Variants in GALNTL6 observed in about 807,000 individuals in gnomAD.
GALNTL6 encodes the protein polypeptide N-acetylgalactosaminyltransferase like 6.
Under a neutral mutation model 73.7 loss-of-function variants are expected in GALNTL6, and 46 were observed. The ratio of observed to expected loss-of-function variants is 0.62; its 90% CI spans 0.49 to 0.80. The LOEUF is 0.80. Among genes scored for constraint, GALNTL6 ranks in the 30% least tolerant of loss-of-function variants. The pLI, the probability that GALNTL6 is intolerant of heterozygous loss-of-function variation, is 0.00. For synonymous variants in GALNTL6, 259 were observed against 263.7 expected (o/e 0.98, Z 0.17); for missense variants, 604 against 755.0 (o/e 0.80, Z 2.34).
chr4:172,541,553 G>T (rs1320970185), intron 5 of GALNTL6, among the ~76,000 whole-genome samples: 1 of 152,206 alleles, frequency 6.6e-6, no homozygotes, highest in African/African-American at 2.4e-5. Flanking sequence ...CAGCAGAAAA[G>T]AAAGTAAGAT....
intron 2 of GALNTL6, among the ~76,000 whole-genome samples, chr4:172,066,018 A>C (rs1377844094): frequency 1.3e-5 from 2 of 152,152 alleles, no homozygotes; most frequent in East Asian, 1.9e-4. Flanking sequence ...GAGCCAAACA[A>C]CACCAATAAC....
intron 2 of GALNTL6, among the ~76,000 whole-genome samples, chr4:172,100,644 T>C (rs999607398): frequency 2.0e-5 from 3 of 152,200 alleles, no homozygotes; most frequent in Admixed American, 1.3e-4. Flanking sequence ...TGTAATGTGA[T>C]TTACATAACT....
intron 7 of GALNTL6, among the ~76,000 whole-genome samples, chr4:172,869,395 G>A (rs921290881): frequency 5.9e-5 from 9 of 152,114 alleles, no homozygotes; most frequent in South Asian, 2.1e-4. Flanking sequence ...TGGAGTGTGC[G>A]TCAGGAAAGA....
intron 5 of GALNTL6, among the ~76,000 whole-genome samples, chr4:172,440,283 A>G (rs1404714338): frequency 1.3e-5 from 2 of 152,068 alleles, no homozygotes; most frequent in African/African-American, 2.4e-5. Flanking sequence ...CATCCAAACA[A>G]TGGAATATTA....
At chr4:173,020,255 TTA>T (rs989286149) in intron 11 of GALNTL6, among the ~76,000 whole-genome samples, 6 of 152,218 alleles carry the variant, frequency 3.9e-5, no homozygotes, top group Admixed American at 3.9e-4. Context: ...TGTTTGCTTG[TTA>T]ATACATTGTA....
At chr4:172,246,273 A>G (rs1282975304) in intron 3 of GALNTL6, among the ~76,000 whole-genome samples, 5 of 152,146 alleles carry the variant, frequency 3.3e-5, no homozygotes, top group Non-Finnish European at 7.4e-5. Flanking sequence ...TTGGACTAGA[A>G]TGACTAGATT....
At chr4:172,017,081 G>T (rs562539272) in intron 2 of GALNTL6, among the ~76,000 whole-genome samples, 32 of 152,250 alleles carry the variant, frequency 2.1e-4, no homozygotes, top group African/African-American at 7.7e-4. Context: ...AGTTATTCCT[G>T]AGTAGGCACT....
intron 2 of GALNTL6, among the ~76,000 whole-genome samples, chr4:171,835,303 T>G (rs1735070652): frequency 6.6e-6 from 1 of 152,036 alleles, no homozygotes; most frequent in African/African-American, 2.4e-5. Flanking sequence ...TGTGTCTGTG[T>G]ATGTATATGT....
chr4:171,856,221 G>A (rs549724556), intron 2 of GALNTL6, among the ~76,000 whole-genome samples: 1 of 151,922 alleles, frequency 6.6e-6, no homozygotes, highest in East Asian at 1.9e-4. Flanking sequence ...TTCCATCTCA[G>A]CCTCCTGAAT....
chr4:172,851,384 ATATG>A (rs1212179936), intron 7 of GALNTL6, among the ~76,000 whole-genome samples: 2 of 151,246 alleles, frequency 1.3e-5, no homozygotes, highest in Non-Finnish European at 2.9e-5. Flanking sequence ...GATTATATAT[ATATG>A]TATGTATGTA....
rs1394860628 is a variant in GALNTL6, at chr4:172,149,276, T to C, written c.139-80380T>C. ...AATATTATTTTCTAATTCATGTTCA[T>C]GTAATACACCTACACACTGGACTCC... On this transcript the variant is annotated intron_variant, in intron 2 of 12. Transcript: ENST00000506823. 3.3e-5 allele frequency among the ~76,000 whole-genome samples: 5 copies of C among 152,230 alleles called. No individual in the cohort carries two copies. In the South Asian group the frequency reaches 8.3e-4, roughly 25 times the overall value.
At chr4:172,160,897 CACACACACACACAT>C (rs1298271028) in intron 2 of GALNTL6, among the ~76,000 whole-genome samples, 9 of 53,900 alleles carry the variant, frequency 1.7e-4, no homozygotes, top group African/African-American at 8.3e-4. Flanking sequence ...TATAGACACA[CACACACACACACAT>C]ACACACACAC....
At chr4:172,268,665 G>A (rs551528830) in intron 3 of GALNTL6, among the ~76,000 whole-genome samples, 4 of 152,150 alleles carry the variant, frequency 2.6e-5, no homozygotes, top group African/African-American at 9.7e-5. Flanking sequence ...CTAACACCCA[G>A]TGTGAAGTCT....
chr4:172,760,082 C>G (rs940937231), intron 5 of GALNTL6, among the ~76,000 whole-genome samples: 2 of 151,076 alleles, frequency 1.3e-5, no homozygotes. Flanking sequence ...ATGATCCACC[C>G]GCCTCGGCCT....
chr4:172,414,448 GCATCCC>G (rs1744549667), intron 5 of GALNTL6, among the ~76,000 whole-genome samples: 1 of 151,824 alleles, frequency 6.6e-6, no homozygotes, highest in African/African-American at 2.4e-5. Flanking sequence ...ATAATATTTA[GCATCCC>G]CAGATGCTAA....
At chr4:172,278,060 G>A (rs969643768) in intron 3 of GALNTL6, among the ~76,000 whole-genome samples, 4 of 152,026 alleles carry the variant, frequency 2.6e-5, no homozygotes, top group Admixed American at 6.6e-5. Context: ...AAAATAATTA[G>A]TGAGTACTTC....
intron 4 of GALNTL6, among the ~76,000 whole-genome samples, chr4:172,338,671 C>T (rs1055215154): frequency 3.9e-5 from 6 of 152,116 alleles, no homozygotes; most frequent in Admixed American, 1.3e-4. Context: ...TTGTTTACTG[C>T]GAGATATTGC....
At chr4:172,491,258 T>A (rs1047375389) in intron 5 of GALNTL6, among the ~76,000 whole-genome samples, 1 of 152,166 alleles carries the variant, frequency 6.6e-6, no homozygotes, top group African/African-American at 2.4e-5. Context: ...GGCTTCAATT[T>A]AGGTGTGTAA....
chr4:172,665,959 T>A (rs1335340342), intron 5 of GALNTL6, among the ~76,000 whole-genome samples: 1 of 152,176 alleles, frequency 6.6e-6, no homozygotes, highest in Non-Finnish European at 1.5e-5. Context: ...CTCTGTCCCC[T>A]TCTTACATAT....
Sources: gnomAD v4.1 joint callset for allele counts (sites outside exome capture counted in the v4.1 genomes callset) on GRCh38, gnomAD v4.1.1 for gene constraint, MANE v1.5 for transcripts, NCBI Gene and HGNC (gene_info 2026-07-23, HGNC 2026-07-21) for gene names.